The following SREK1 variants were observed in gnomAD, a reference collection of about 807,000 sequenced individuals.
The protein encoded by SREK1 is splicing regulatory glutamic acid and lysine rich protein 1.
Under a neutral mutation model 66.5 loss-of-function variants are expected in SREK1, and 13 were observed. That is an observed-to-expected ratio of 0.20 (90% confidence interval 0.13 to 0.31). The LOEUF (loss-of-function observed/expected upper bound fraction) is 0.31. Ranked by LOEUF, SREK1 falls within the 10% of genes least tolerant of loss-of-function variation. The probability of loss-of-function intolerance (pLI) is 1.00; values close to 1 mark genes in which losing one functional copy is unlikely to be tolerated. For synonymous variants in SREK1, 265 were observed against 263.5 expected (o/e 1.01, Z -0.05); for missense variants, 607 against 769.6 (o/e 0.79, Z 2.50).
Position 66,181,631 on chromosome 5 carries a change from A to G in SREK1, c.*2763A>G, listed in dbSNP as rs1029500816. 2 of 152,206 alleles carry G rather than the reference A, an allele frequency of 1.3e-5. No homozygotes were observed. The allele number at this position is 152,206 out of a possible 1,614,324, so 9.4% of individuals were successfully genotyped here. A position where few individuals can be genotyped will look rare whatever the true frequency, so the allele number is the denominator to read the frequency against. ...GCAACGTATGCTGAACTAGTATCATAAGATGGTGCATCAGTTCATAAGCTA... is the reference window on the plus strand; with the variant it reads ...GCAACGTATGCTGAACTAGTATCATGAGATGGTGCATCAGTTCATAAGCTA... On this transcript the variant is annotated 3_prime_UTR_variant, in exon 12 of 12. Coordinates refer to ENST00000334121, the MANE Select transcript of SREK1 (RefSeq NM_001077199.3).
At chr5:66,154,057 CTTAA>C (rs1226064733) in intron 2 of SREK1, among the ~76,000 whole-genome samples, 7 of 151,972 alleles carry the variant, frequency 4.6e-5, no homozygotes, top group African/African-American at 1.7e-4. Context: ...GGTAATTTAC[CTTAA>C]TTGTTACTAT....
intron 3 of SREK1, 67 bp downstream of exon 3, chr5:66,159,401 C>A (rs889637141): frequency 1.7e-5 from 21 of 1,237,580 alleles, no homozygotes; most frequent in Non-Finnish European, 2.1e-5. Context: ...GAATAGAGAG[C>A]TTCAGATTAT....
rs1746659388 is a variant in SREK1, at chr5:66,183,460, A to G, written c.*4592A>G. On this transcript the variant is annotated 3_prime_UTR_variant, in exon 12 of 12. Coordinates refer to ENST00000334121, the MANE Select transcript of SREK1 (RefSeq NM_001077199.3). ...TAGATTAATAGAACAGTGTTAGATT[A>G]TCAAGGGAAGAGTTTGGAATGTAAA... 1 of 152,218 alleles carries G rather than the reference A, an allele frequency of 6.6e-6. No homozygotes were observed. Among genetic ancestry groups the G allele is most frequent in the Non-Finnish European group, 1.5e-5 (1 of 68,026 alleles). The allele number at this position is 152,218 out of a possible 1,614,324, so 9.4% of individuals were successfully genotyped here.
At chr5:66,144,844 C>G in intron 1 of SREK1, 1 of 1,074,720 alleles carries the variant, frequency 9.3e-7, no homozygotes, top group Non-Finnish European at 1.1e-6. Context: ...CTTATTTCCC[C>G]CCGAACTTAA....
In SREK1 at chr5:66,164,962, A is replaced by T. The variant is rs1247503838; in HGVS notation, c.1001+65A>T. Reference sequence around the variant, plus strand: ...TTTGTATTTAAAATATTAAGATTTTATGAGTTTTCGTCAAAATATCAGAAG... The same window carrying T: ...TTTGTATTTAAAATATTAAGATTTTTTGAGTTTTCGTCAAAATATCAGAAG... On this transcript the variant is annotated intron_variant, in intron 7 of 11. Coordinates refer to ENST00000334121, the MANE Select transcript of SREK1 (RefSeq NM_001077199.3). 2.7e-6 allele frequency: 4 copies of T among 1,462,970 alleles called. 1 individual carries two copies. The South Asian group carries it at 5.3e-5, about 19-fold the overall frequency. The allele number at this position is 1,462,970 out of a possible 1,614,324, so 90.6% of individuals were successfully genotyped here.
chr5:66,144,894 C>G (rs1156760690), intron 1 of SREK1: 3 of 1,004,640 alleles, frequency 3.0e-6, no homozygotes, highest in Non-Finnish European at 3.6e-6. Context: ...TCATGGCAAA[C>G]GTCTCAGAGC....
intron 6 of SREK1, 41 bp from the exon 7 acceptor site, chr5:66,164,741 AT>A (rs749940571): frequency 1.2e-6 from 2 of 1,613,470 alleles, no homozygotes; most frequent in South Asian, 2.2e-5. Context: ...GGGATCTTTA[AT>A]TGTTCTGAGC....
At chr5:66,159,163 T>G in intron 2 of SREK1, 56 bp from the exon 3 acceptor site, 2 of 1,564,384 alleles carry the variant, frequency 1.3e-6, no homozygotes, top group South Asian at 1.2e-5. Context: ...AAAATCATAG[T>G]GTAAAGTTTG....
rs1170942098 is a variant in SREK1 at position 66,183,262 on chromosome 5, C to T, written c.*4394C>T. On this transcript the variant is annotated 3_prime_UTR_variant, in exon 12 of 12. Coordinates refer to ENST00000334121, the MANE Select transcript of SREK1 (RefSeq NM_001077199.3). ...TGTAAGTATAAATTCATAAAAATCA[C>T]ACTGAAAGAATAGGTTGATTTCAAC... 2.0e-5 allele frequency: 3 copies of T among 152,100 alleles called. No individual in the cohort carries two copies. Among genetic ancestry groups the T allele is most frequent in the African/African-American group, 7.2e-5 (3 of 41,402 alleles). 9.4% of individuals were successfully genotyped at this position (152,100 alleles called of 1,614,324 possible).
chr5:66,172,102 C>T (rs910944409), intron 9 of SREK1, among the ~76,000 whole-genome samples: 6 of 152,106 alleles, frequency 3.9e-5, no homozygotes, highest in Non-Finnish European at 8.8e-5. Context: ...TGGATTTCAG[C>T]ACATTGAACC....
At chr5:66,162,337 A>T in intron 4 of SREK1, 64 bp downstream of exon 4, 2 of 1,604,980 alleles carry the variant, frequency 1.2e-6, no homozygotes, top group Non-Finnish European at 1.7e-6. Context: ...CTTAAAAATC[A>T]TATCAGTGGA....
intron 9 of SREK1, among the ~76,000 whole-genome samples, chr5:66,174,187 A>G (rs1264731537): frequency 6.6e-6 from 1 of 152,130 alleles, no homozygotes; most frequent in African/African-American, 2.4e-5. Flanking sequence ...AGTGAAGTTC[A>G]TTGTTTCTGA....
chr5:66,149,041 A>G (rs1743521460), intron 1 of SREK1, among the ~76,000 whole-genome samples: 2 of 152,190 alleles, frequency 1.3e-5, no homozygotes, highest in Admixed American at 6.5e-5. Flanking sequence ...TATTTTAAGG[A>G]AGGTAATTGG....
At position 66,156,678 on chromosome 5, in the gene SREK1, T is replaced by TA. The variant is rs1258818209; in HGVS notation, c.296-2539dup. 9 of 985,154 alleles carry TA rather than the reference T, an allele frequency of 9.1e-6. No individual in the cohort carries two copies. The East Asian group carries it at 1.0e-3, about 112-fold the overall frequency. 61.0% of individuals were successfully genotyped at this position (985,154 alleles called of 1,614,324 possible). On this transcript the variant is annotated intron_variant, in intron 2 of 11. Coordinates refer to ENST00000334121, the MANE Select transcript of SREK1 (RefSeq NM_001077199.3). ...AGGCATACAAAATCATCAAGGAAAA[T>TA]AAGTAAATATAACAATCTGGGAGTA...
chr5:66,175,080 G>A, intron 10 of SREK1, 39 bp downstream of exon 10: 1 of 1,488,506 alleles, frequency 6.7e-7, no homozygotes, highest in Non-Finnish European at 9.1e-7. Flanking sequence ...ACAGGAGAAA[G>A]CAATAAATAT....
At chr5:66,149,403 C>T (rs980032161) in intron 1 of SREK1, among the ~76,000 whole-genome samples, 3 of 152,000 alleles carry the variant, frequency 2.0e-5, no homozygotes, top group Admixed American at 1.3e-4. Context: ...GTGGAGTAGC[C>T]GTACCTAATA....
chr5:66,144,785 C>T, intron 1 of SREK1: 3 of 1,213,700 alleles, frequency 2.5e-6, no homozygotes, highest in Non-Finnish European at 2.1e-6. Flanking sequence ...TTCTGTGCCT[C>T]CGGGACTTGT....
At chr5:66,159,466 C>A in intron 3 of SREK1, 132 bp downstream of exon 3, 2 of 703,560 alleles carry the variant, frequency 2.8e-6, no homozygotes, top group Non-Finnish European at 4.1e-6. Context: ...TTCGAAATCA[C>A]TGCTTAAACT....
In SREK1 at chr5:66,162,171, A is replaced by C. The variant is rs762421365; in HGVS notation, c.474A>C (p.Ala158=). 1 of 1,614,026 alleles carries C rather than the reference A, an allele frequency of 6.2e-7. No individual in the cohort carries two copies. ...CAGCAGCACTAGACCCCAACATTGC[A>C]ACACTTGGAGAGATACCACAGCCAC... ...IPAAALDPNI[A]TLGEIPQPPL... Residue 158 remains alanine, a synonymous_variant, in exon 4 of 12, where the codon GCA becomes GCC. Coordinates refer to ENST00000334121, the MANE Select transcript of SREK1 (RefSeq NM_001077199.3).
Sources: allele counts gnomAD v4.1 joint callset (sites outside exome capture counted in the v4.1 genomes callset), GRCh38; gene constraint gnomAD v4.1.1; transcripts MANE v1.5; gene names NCBI Gene and HGNC (gene_info 2026-07-23, HGNC 2026-07-21).